The following KSR2 variants were observed in gnomAD, a reference collection of about 807,000 sequenced individuals.
KSR2 encodes kinase suppressor of ras 2.
Under a neutral mutation model 107.8 loss-of-function variants are expected in KSR2, and 25 were observed. The observed-to-expected ratio is 0.23, with a 90% CI of 0.17 to 0.32. KSR2 has a LOEUF of 0.32. Among genes scored for constraint, KSR2 ranks in the 10% least tolerant of loss-of-function variants. The pLI, the probability that KSR2 is intolerant of heterozygous loss-of-function variation, is 1.00. For missense variants in KSR2, 887 were observed against 1,268.9 expected (o/e 0.70, Z 4.57); for synonymous variants, 480 against 507.0 (o/e 0.95, Z 0.71).
chr12:117,839,235 T>G (rs138959913), intron 3 of KSR2, among the ~76,000 whole-genome samples: 129 of 152,356 alleles, frequency 8.5e-4, no homozygotes, highest in African/African-American at 3.0e-3. Flanking sequence ...TTATGACAGT[T>G]CATTTGTTCG....
At chr12:117,503,226 A>T (rs1252693569) in intron 14 of KSR2, among the ~76,000 whole-genome samples, 2 of 152,208 alleles carry the variant, frequency 1.3e-5, no homozygotes, top group Non-Finnish European at 2.9e-5. Context: ...TTGCTTAAAA[A>T]TCAATGCAGG....
At chr12:117,569,093 C>G (rs1014755660) in intron 7 of KSR2, among the ~76,000 whole-genome samples, 2 of 152,200 alleles carry the variant, frequency 1.3e-5, no homozygotes, top group Non-Finnish European at 2.9e-5. Flanking sequence ...CTCAAACCAG[C>G]CATGGCTTAC....
chr12:117,697,707 C>T (rs947580532), intron 4 of KSR2, among the ~76,000 whole-genome samples: 6 of 149,890 alleles, frequency 4.0e-5, no homozygotes, highest in Non-Finnish European at 8.9e-5. Context: ...GCCACTGCAC[C>T]CTAGCCTGGG....
chr12:117,966,890 A>C (rs554256838), intron 1 of KSR2, among the ~76,000 whole-genome samples: 2 of 152,262 alleles, frequency 1.3e-5, no homozygotes, highest in South Asian at 4.2e-4. Context: ...ATGTGCCAGG[A>C]CCAAGATGAA....
At chr12:117,730,588 C>G (rs576843992) in intron 4 of KSR2, among the ~76,000 whole-genome samples, 1 of 152,216 alleles carries the variant, frequency 6.6e-6, no homozygotes, top group South Asian at 2.1e-4. Context: ...GCCGCCATCT[C>G]GGCTCACCGC....
chr12:117,791,912 C>T (rs780088544), intron 3 of KSR2, among the ~76,000 whole-genome samples: 34 of 152,198 alleles, frequency 2.2e-4, no homozygotes, highest in Non-Finnish European at 4.3e-4. Context: ...CCATATTTCT[C>T]TCTACTCCCA....
chr12:117,640,618 C>G (rs1029250006), intron 5 of KSR2, among the ~76,000 whole-genome samples: 3 of 152,138 alleles, frequency 2.0e-5, no homozygotes, highest in Non-Finnish European at 2.9e-5. Flanking sequence ...GTGTGGCAGG[C>G]AGTACAGACT....
At position 117,824,638 on chromosome 12, in the gene KSR2, C is replaced by T. The variant is rs866051503; in HGVS notation, c.472+30790G>A. On this transcript the variant is annotated intron_variant, in intron 3 of 19. Coordinates refer to ENST00000339824, the MANE Select transcript of KSR2 (RefSeq NM_173598.6). ...TTGGGAGGCCGAGGCGGGCGGATCACGAGGTCAGGAGATCGAGACCATCCT... is the reference window on the plus strand; with the variant it reads ...TTGGGAGGCCGAGGCGGGCGGATCATGAGGTCAGGAGATCGAGACCATCCT... Among the ~76,000 whole-genome samples the T allele has an allele frequency of 7.2e-5, 11 of 151,880 alleles. No homozygotes were observed. In the South Asian group the frequency reaches 1.0e-3, roughly 14 times the overall value.
In KSR2 at chr12:117,845,088, T is replaced by C. The variant is rs2971439; in HGVS notation, c.472+10340A>G. The stretch of plus-strand genomic sequence containing the variant: ...ATGAACCCGGGAGGCGGAGCGTGCA[T>C]TGAGCCAAGATAGCACCACTGCACT... On this transcript the variant is annotated intron_variant, in intron 3 of 19. Transcript: ENST00000339824. Among the ~76,000 whole-genome samples, 17 of 152,134 alleles carry C rather than the reference T, an allele frequency of 1.1e-4. 1 individual carries two copies. Among genetic ancestry groups the C allele is most frequent in the Non-Finnish European group, 2.9e-5 (2 of 68,022 alleles).
intron 5 of KSR2, among the ~76,000 whole-genome samples, chr12:117,644,489 T>C (rs754915017): frequency 7.9e-5 from 12 of 152,074 alleles, no homozygotes; most frequent in Non-Finnish European, 1.5e-4. Context: ...CCAGGGAACT[T>C]TAAAAAGTAC....
intron 3 of KSR2, among the ~76,000 whole-genome samples, chr12:117,766,996 T>C (rs1040001024): frequency 6.6e-6 from 1 of 151,806 alleles, no homozygotes; most frequent in African/African-American, 2.4e-5. Flanking sequence ...GCGATTCTCC[T>C]GCCTCAGCCT....
chr12:117,629,251 T>G (rs906789133), intron 5 of KSR2, among the ~76,000 whole-genome samples: 21 of 152,312 alleles, frequency 1.4e-4, no homozygotes, highest in African/African-American at 5.1e-4. Context: ...GGTACCTCAT[T>G]TGGAAATGTA....
chr12:117,591,291 G>T (rs1223349336), intron 5 of KSR2, among the ~76,000 whole-genome samples: 1 of 152,140 alleles, frequency 6.6e-6, no homozygotes, highest in Non-Finnish European at 1.5e-5. Flanking sequence ...TAAAGAATTT[G>T]ATTTTCTAGT....
intron 5 of KSR2, 93 bp downstream of exon 5, chr12:117,667,381 G>C: frequency 8.3e-7 from 1 of 1,210,080 alleles, no homozygotes. Context: ...ATAAAGAAGA[G>C]AGAGTTTGCA....
intron 1 of KSR2, among the ~76,000 whole-genome samples, chr12:117,966,730 C>T (rs1896809329): frequency 1.3e-5 from 2 of 151,632 alleles, no homozygotes; most frequent in Admixed American, 6.6e-5. Context: ...GGATGACCTC[C>T]TGCATGTTGA....
At chr12:117,482,156 A>G (rs1377508835) in intron 16 of KSR2, among the ~76,000 whole-genome samples, 2 of 151,974 alleles carry the variant, frequency 1.3e-5, no homozygotes, top group African/African-American at 2.4e-5. Flanking sequence ...AGGAAGCCCA[A>G]TGTAGTCAAG....
At chr12:117,576,062 C>T (rs181415399) in intron 7 of KSR2, among the ~76,000 whole-genome samples, 64 of 152,150 alleles carry the variant, frequency 4.2e-4, no homozygotes, top group African/African-American at 1.5e-3. Context: ...CCTCTCCCAA[C>T]CCTTGGCAGG....
chr12:117,855,297 C>T (rs1265489412), intron 3 of KSR2, 131 bp downstream of exon 3: 3 of 1,161,324 alleles, frequency 2.6e-6, no homozygotes, highest in Admixed American at 4.4e-5. Flanking sequence ...CCTCTTCCTG[C>T]GTTTCGGATT....
chr12:117,584,217 C>A (rs1879859745), intron 5 of KSR2, among the ~76,000 whole-genome samples: 1 of 152,106 alleles, frequency 6.6e-6, no homozygotes, highest in Non-Finnish European at 1.5e-5. Context: ...TGTCATCAAC[C>A]TCAAGCACAT....
Sources: gnomAD v4.1 joint callset for allele counts (sites outside exome capture counted in the v4.1 genomes callset) on GRCh38, gnomAD v4.1.1 for gene constraint, MANE v1.5 for transcripts, NCBI Gene and HGNC (gene_info 2026-07-23, HGNC 2026-07-21) for gene names.